LIPN: variants seen among roughly 807,000 people sequenced by gnomAD.
LIPN encodes the protein lipase member N.
Under a neutral mutation model 43.7 loss-of-function variants are expected in LIPN, and 32 were observed. The observed-to-expected ratio is 0.73, with a 90% CI of 0.55 to 0.98. LIPN has a LOEUF of 0.98. Among genes scored for constraint, LIPN ranks in the 50% least tolerant of loss-of-function variants. The pLI is 0.00. For synonymous variants in LIPN, 156 were observed against 157.6 expected, an observed-to-expected ratio of 0.99 and a Z score of 0.08; for missense variants, 505 against 483.8, an observed-to-expected ratio of 1.04 and a Z score of -0.41.
In LIPN at chr10:88,761,779, TTATCTATCTATC is replaced by T. The variant is rs10580567; in HGVS notation, c.108+278_108+289del. 3.0e-4 allele frequency among the ~76,000 whole-genome samples: 43 copies of T among 145,326 alleles called. 1 individual carries two copies. The highest frequency in any genetic ancestry group is 8.6e-4 in the South Asian group (4 of 4,668). On this transcript the variant is annotated intron_variant, in intron 2 of 9. Coordinates refer to ENST00000404459, the MANE Select transcript of LIPN (RefSeq NM_001102469.2). ...TCTATCTATGTATCTATCTATCTATTTATCTATCTATCTATCTATCTATAGATAGAACCTCCT... is the reference window on the plus strand; with the variant it reads ...TCTATCTATGTATCTATCTATCTATTTATCTATCTATAGATAGAACCTCCT...
At chr10:88,763,396 C>G (rs1354246005) in intron 3 of LIPN, among the ~76,000 whole-genome samples, 1 of 151,854 alleles carries the variant, frequency 6.6e-6, no homozygotes, top group Non-Finnish European at 1.5e-5. Context: ...AAGGAGAAAA[C>G]TTTTATGGGA....
Position 88,778,332 on chromosome 10 carries a change from C to T in LIPN, c.*90C>T, listed in dbSNP as rs1843331941. On this transcript the variant is annotated 3_prime_UTR_variant, in exon 10 of 10. Coordinates refer to ENST00000404459, the MANE Select transcript of LIPN (RefSeq NM_001102469.2). ...AGTAACCAACAATGAGGTTGTCCCC[C>T]AGCACCCTGGGGGAGATGCACAGTG... 1 of 897,742 alleles carries T rather than the reference C, an allele frequency of 1.1e-6. No homozygotes were observed. Among genetic ancestry groups the T allele is most frequent in the South Asian group, 1.6e-5 (1 of 61,790 alleles). The allele number at this position is 897,742 out of a possible 1,614,324, so 55.6% of individuals were successfully genotyped here.
upstream of LIPN, among the ~76,000 whole-genome samples, chr10:88,759,378 G>A (rs1842965094): frequency 6.6e-6 from 1 of 152,128 alleles, no homozygotes; most frequent in Non-Finnish European, 1.5e-5. Context: ...AGAAAACTGA[G>A]GCACGTGTGC....
intron 9 of LIPN, 103 bp from the exon 10 acceptor site, chr10:88,777,906 G>A: frequency 1.5e-6 from 1 of 657,656 alleles, no homozygotes; most frequent in East Asian, 2.7e-5. Flanking sequence ...TGTTGCTGGT[G>A]CCTAACAGAA....
chr10:88,776,776 T>C (rs2133033238), intron 9 of LIPN, among the ~76,000 whole-genome samples: 1 of 152,144 alleles, frequency 6.6e-6, no homozygotes, highest in East Asian at 1.9e-4. Context: ...TTAATGAAAT[T>C]TCTTAACTTT....
chr10:88,770,244 T>C (rs1375299703), intron 6 of LIPN, among the ~76,000 whole-genome samples: 2 of 151,864 alleles, frequency 1.3e-5, no homozygotes, highest in Non-Finnish European at 2.9e-5. Flanking sequence ...TCATATCTTT[T>C]CTGTTCAATG....
In LIPN at chr10:88,768,985, A is replaced by C. The variant is rs1843159808; in HGVS notation, c.672+57A>C. 3 of 1,501,692 alleles carry C rather than the reference A, an allele frequency of 2.0e-6. No individual in the cohort carries two copies. In the South Asian group the frequency reaches 3.6e-5, roughly 18 times the overall value. The allele number at this position is 1,501,692 out of a possible 1,614,324, so 93.0% of individuals were successfully genotyped here. A position where few individuals can be genotyped will look rare whatever the true frequency, so the allele number is the denominator to read the frequency against. On this transcript the variant is annotated intron_variant, in intron 6 of 9. Transcript: ENST00000404459. ...ATCTCATTTTGGATCATAAATCCTT[A>C]TTATTTTCAAATCTACTGTAAAGTA...
intron 5 of LIPN, 44 bp from the exon 6 acceptor site, chr10:88,768,747 TA>T (rs765571644): frequency 2.9e-5 from 46 of 1,565,910 alleles, no homozygotes; most frequent in Non-Finnish European, 4.0e-5. Context: ...AAACACTGCG[TA>T]AGTATTTATT....
rs139393758 is a variant in LIPN, at chr10:88,766,608, C to T, written c.535+230C>T. ...GTCTCTGGTCACAGCAGCATATTGA[C>T]TACGGTGATGCAACTTCCCAGGAAT... On this transcript the variant is annotated intron_variant, in intron 5 of 9. Transcript: ENST00000404459. 2.8e-3 allele frequency among the ~76,000 whole-genome samples: 428 copies of T among 152,034 alleles called. 1 individual carries two copies. The highest frequency in any genetic ancestry group is 0.024 in the Middle Eastern group (7 of 294).
At chr10:88,764,385 C>T (rs1195591977) in intron 3 of LIPN, 25 bp from the exon 4 acceptor site, 23 of 1,575,242 alleles carry the variant, frequency 1.5e-5, no homozygotes, top group Non-Finnish European at 2.0e-5. Flanking sequence ...TTCTCCCTCT[C>T]TCATCTTACC....
At chr10:88,774,278 G>C (rs923806313) in intron 7 of LIPN, among the ~76,000 whole-genome samples, 195 bp from the exon 8 acceptor site, 1 of 152,008 alleles carries the variant, frequency 6.6e-6, no homozygotes, top group African/African-American at 2.4e-5. Context: ...CTGTCAAGCA[G>C]CCCATTCCAT....
intron 6 of LIPN, chr10:88,769,664 G>C (rs1843173197): frequency 1.4e-6 from 1 of 713,820 alleles, no homozygotes; most frequent in Non-Finnish European, 1.7e-6. Context: ...AGACCAGTTA[G>C]AATATCAAAA....
In LIPN at chr10:88,766,175, A is replaced by G. The variant is rs1358224011; in HGVS notation, c.426-94A>G. Reference sequence around the variant, plus strand: ...TACACATTGAATCTAAGTAAACAGCATAGAATCTGGGTGTAAAAAAGAAGT... The same window carrying G: ...TACACATTGAATCTAAGTAAACAGCGTAGAATCTGGGTGTAAAAAAGAAGT... On this transcript the variant is annotated intron_variant, in intron 4 of 9. Transcript: ENST00000404459. The G allele has an allele frequency of 1.6e-5, 11 of 696,952 alleles. 1 individual carries two copies. The highest frequency in any genetic ancestry group is 1.3e-4 in the African/African-American group (7 of 55,882). 43.2% of individuals were successfully genotyped at this position (696,952 alleles called of 1,614,324 possible).
At position 88,761,470 on chromosome 10, in the gene LIPN, T is replaced by C. The variant is rs1430592489; in HGVS notation, c.65T>C (p.Leu22Pro). The change falls in exon 2 of 10, where the codon CTT becomes CCT. Residue 22 changes from leucine (L) to proline (P), a missense_variant. Physicochemically the swap from Leu to Pro is moderately conservative, Grantham distance 98 (BLOSUM62 -3). Coordinates refer to ENST00000404459, the MANE Select transcript of LIPN (RefSeq NM_001102469.2). ...ICGTLNAGGF[L>P]DLENEVNPEV... ...GGAACTTTAAATGCTGGTGGATTCCTTGATTTGGAAAATGAAGTGAATCCT... is the reference window on the plus strand; with the variant it reads ...GGAACTTTAAATGCTGGTGGATTCCCTGATTTGGAAAATGAAGTGAATCCT... 6.2e-7 allele frequency: 1 copy of C among 1,612,240 alleles called. No homozygotes were observed. The highest frequency in any genetic ancestry group is 1.3e-5 in the African/African-American group (1 of 74,846).
chr10:88,774,113 T>C (rs1843255079), intron 7 of LIPN, among the ~76,000 whole-genome samples: 1 of 152,052 alleles, frequency 6.6e-6, no homozygotes, highest in South Asian at 2.1e-4. Context: ...TCTGATTTAA[T>C]CTGTGACAGT....
At chr10:88,773,503 G>T (rs1159658272) in intron 7 of LIPN, among the ~76,000 whole-genome samples, 3 of 152,000 alleles carry the variant, frequency 2.0e-5, no homozygotes, top group African/African-American at 7.2e-5. Flanking sequence ...TAACAGGACA[G>T]GGTGGAAGGG....
chr10:88,775,227 G>T (rs1843277556), intron 9 of LIPN, 64 bp downstream of exon 9: 3 of 1,197,780 alleles, frequency 2.5e-6, no homozygotes, highest in African/African-American at 3.1e-5. Context: ...AATTATTTGA[G>T]GGTGGAAAGA....
chr10:88,762,096 C>T, intron 2 of LIPN, 92 bp from the exon 3 acceptor site: 1 of 531,930 alleles, frequency 1.9e-6, no homozygotes, highest in Non-Finnish European at 3.4e-6. Context: ...TCAGATAATT[C>T]ACCCTAATAA....
rs899356711 is a variant in LIPN at position 88,778,089 on chromosome 10, A to G, written c.1044A>G (p.Thr348=). 5 of 1,613,398 alleles carry G rather than the reference A, an allele frequency of 3.1e-6. No homozygotes were observed. The highest frequency in any genetic ancestry group is 4.2e-6 in the Non-Finnish European group (5 of 1,179,648). Residue 348 remains threonine (T), a synonymous_variant, in exon 10 of 10, where the codon ACA becomes ACG. Transcript: ENST00000404459. ...IWAGGHDVLV[T]PQDVARILPQ... is the part of the protein sequence containing the mutation. Reference sequence around the variant, plus strand: ...CTGGTGGACATGATGTCCTCGTAACACCCCAGGATGTGGCCAGGATACTCC... The same window carrying G: ...CTGGTGGACATGATGTCCTCGTAACGCCCCAGGATGTGGCCAGGATACTCC...
Sources: gnomAD v4.1 joint callset for allele counts (sites outside exome capture counted in the v4.1 genomes callset) on GRCh38, gnomAD v4.1.1 for gene constraint, MANE v1.5 for transcripts, NCBI Gene and HGNC (gene_info 2026-07-23, HGNC 2026-07-21) for gene names.